The following DIAPH3 variants were observed in gnomAD, a reference collection of about 807,000 sequenced individuals.
DIAPH3 encodes protein diaphanous homolog 3.
A neutral mutation model predicts 144.3 loss-of-function variants in DIAPH3; 117 were observed. The observed-to-expected ratio is 0.81, with a 90% confidence interval of 0.70 to 0.95. The LOEUF (loss-of-function observed/expected upper bound fraction) is 0.95, where lower values mean the gene tolerates loss of function less well. DIAPH3 is among the 40% of genes least tolerant of loss of function. The pLI is 0.00. For synonymous variants in DIAPH3, 519 were observed against 488.9 expected (o/e 1.06, Z -0.81); for missense variants, 1,421 against 1,412.7 (o/e 1.01, Z -0.09).
chr13:59,747,155 TAAAC>T (rs1422864665), intron 27 of DIAPH3, among the ~76,000 whole-genome samples: 2 of 151,932 alleles, frequency 1.3e-5, no homozygotes, highest in Non-Finnish European at 2.9e-5. Context: ...AACCAAACTA[TAAAC>T]AAATATACTA....
chr13:59,975,713 C>T (rs1314856682), intron 14 of DIAPH3, among the ~76,000 whole-genome samples: 1 of 151,988 alleles, frequency 6.6e-6, no homozygotes, highest in Non-Finnish European at 1.5e-5. Context: ...CTTTAATTCC[C>T]ATTTTACAGG....
At chr13:60,029,954 T>C (rs2054665345) in intron 5 of DIAPH3, among the ~76,000 whole-genome samples, 1 of 152,062 alleles carries the variant, frequency 6.6e-6, no homozygotes, top group Admixed American at 6.6e-5. Flanking sequence ...CTGACAGCCT[T>C]TTGGATTCCA....
intron 19 of DIAPH3, among the ~76,000 whole-genome samples, chr13:59,914,461 G>A (rs1833210732): frequency 1.3e-5 from 2 of 152,130 alleles, no homozygotes; most frequent in African/African-American, 4.8e-5. Context: ...TCCTAAAGAT[G>A]TACATGACTA....
At chr13:60,077,982 C>T (rs2057431673) in intron 4 of DIAPH3, among the ~76,000 whole-genome samples, 2 of 152,134 alleles carry the variant, frequency 1.3e-5, no homozygotes, top group East Asian at 3.9e-4. Flanking sequence ...ACTAAAGTGA[C>T]ATTTGGATTT....
chr13:59,904,865 TAAAC>T (rs763606362), intron 20 of DIAPH3, among the ~76,000 whole-genome samples: 68 of 151,590 alleles, frequency 4.5e-4, no homozygotes, highest in Non-Finnish European at 7.5e-4. Flanking sequence ...AATAGGAAAA[TAAAC>T]AATATTAATA....
intron 21 of DIAPH3, among the ~76,000 whole-genome samples, chr13:59,873,622 T>C (rs2044413966): frequency 6.6e-6 from 1 of 152,096 alleles, no homozygotes; most frequent in Non-Finnish European, 1.5e-5. Flanking sequence ...GAGTAATGTT[T>C]AGCTTGGCAT....
At chr13:59,861,274 T>C in intron 22 of DIAPH3, 133 bp downstream of exon 22, 1 of 1,548,670 alleles carries the variant, frequency 6.5e-7, no homozygotes, top group South Asian at 1.2e-5. Context: ...CAACTCTCTT[T>C]ATTTTTAAAA....
chr13:59,952,038 T>G (rs1337762678), intron 17 of DIAPH3, among the ~76,000 whole-genome samples: 1 of 152,142 alleles, frequency 6.6e-6, no homozygotes, highest in Non-Finnish European at 1.5e-5. Flanking sequence ...AATGGATAAA[T>G]CATGGTATAA....
At chr13:60,010,775 C>CT (rs2053194241) in intron 7 of DIAPH3, 106 bp from the exon 8 acceptor site, 3 of 1,090,124 alleles carry the variant, frequency 2.8e-6, no homozygotes, top group Admixed American at 4.6e-5. Context: ...CATTTTTACA[C>CT]TTACTAAAGC....
At chr13:60,110,461 G>C in intron 3 of DIAPH3, among the ~76,000 whole-genome samples, 1 of 152,064 alleles carries the variant, frequency 6.6e-6, no homozygotes, top group South Asian at 2.1e-4. Flanking sequence ...TCAAAAATAT[G>C]GTACCCTGAG....
intron 4 of DIAPH3, among the ~76,000 whole-genome samples, chr13:60,073,308 CAA>C (rs550329629): frequency 1.7e-4 from 21 of 123,224 alleles, no homozygotes; most frequent in Non-Finnish European, 1.6e-4. Flanking sequence ...GATGTTGTCT[CAA>C]AAAAAAAAAA....
chr13:59,682,429 C>CT (rs1229017874), intron 27 of DIAPH3, among the ~76,000 whole-genome samples: 1 of 152,140 alleles, frequency 6.6e-6, no homozygotes, highest in East Asian at 1.9e-4. Context: ...TCAAGTGATC[C>CT]TCCCCCTTCA....
chr13:59,882,318 G>A (rs1298789020), intron 20 of DIAPH3, among the ~76,000 whole-genome samples: 2 of 152,080 alleles, frequency 1.3e-5, no homozygotes, highest in African/African-American at 4.8e-5. Context: ...TCTAACTTCT[G>A]ACCTCAAGTG....
chr13:59,820,770 T>C (rs1166406186), intron 24 of DIAPH3, among the ~76,000 whole-genome samples: 1 of 150,070 alleles, frequency 6.7e-6, no homozygotes, highest in Non-Finnish European at 1.5e-5. Context: ...TACTATTTAG[T>C]GTTATAATAG....
chr13:59,886,234 C>T (rs1443327555), intron 20 of DIAPH3, among the ~76,000 whole-genome samples: 1 of 152,010 alleles, frequency 6.6e-6, no homozygotes, highest in Non-Finnish European at 1.5e-5. Flanking sequence ...AGTTGAGATT[C>T]ATTTTAGTCC....
chr13:60,097,002 G>A (rs1440909743), intron 3 of DIAPH3, among the ~76,000 whole-genome samples: 1 of 152,138 alleles, frequency 6.6e-6, no homozygotes, highest in Non-Finnish European at 1.5e-5. Context: ...AGACAGGCAG[G>A]CATCCTATTG....
At chr13:60,061,865 G>A (rs2056786345) in intron 4 of DIAPH3, among the ~76,000 whole-genome samples, 1 of 151,960 alleles carries the variant, frequency 6.6e-6, no homozygotes, top group Admixed American at 6.6e-5. Flanking sequence ...AACTCCGGGG[G>A]GTGAGGGGGA....
intron 14 of DIAPH3, among the ~76,000 whole-genome samples, chr13:59,974,790 T>C (rs1431900070): frequency 6.6e-6 from 1 of 152,118 alleles, no homozygotes; most frequent in Admixed American, 6.6e-5. Flanking sequence ...TGTAAAATAA[T>C]AGAGAGCAAA....
At chr13:59,875,729 T>C (rs1475312432) in intron 21 of DIAPH3, among the ~76,000 whole-genome samples, 1 of 152,200 alleles carries the variant, frequency 6.6e-6, no homozygotes, top group Non-Finnish European at 1.5e-5. Context: ...TAATTTTTAT[T>C]TAGATCTTAA....
Sources: gnomAD v4.1 joint callset for allele counts (sites outside exome capture counted in the v4.1 genomes callset) on GRCh38, gnomAD v4.1.1 for gene constraint, MANE v1.5 for transcripts, NCBI Gene and HGNC (gene_info 2026-07-23, HGNC 2026-07-21) for gene names.